ROS1: variants seen among roughly 807,000 people sequenced by gnomAD.
The protein encoded by ROS1 is ROS proto-oncogene 1, receptor tyrosine kinase.
Under a neutral mutation model 273.5 loss-of-function variants are expected in ROS1, and 263 were observed. That is an observed-to-expected ratio of 0.96 (90% confidence interval 0.87 to 1.06). ROS1 has a LOEUF of 1.06. Among genes scored for constraint, ROS1 ranks in the 50% least tolerant of loss-of-function variants. ROS1 has a pLI of 0.00. For synonymous variants in ROS1, 1,008 were observed against 954.1 expected, an observed-to-expected ratio of 1.06 and a Z score of -1.04; for missense variants, 2,833 against 2,751.1, an observed-to-expected ratio of 1.03 and a Z score of -0.67.
chr6:117,326,049 A>G (rs1161765738), intron 34 of ROS1, among the ~76,000 whole-genome samples, 175 bp downstream of exon 34: 1 of 147,086 alleles, frequency 6.8e-6, no homozygotes, highest in African/African-American at 2.5e-5. Context: ...TAGAAAGATC[A>G]CATCACATGA....
At chr6:117,403,426 T>C (rs908358292) in intron 6 of ROS1, 149 bp from the exon 7 acceptor site, 1 of 783,436 alleles carries the variant, frequency 1.3e-6, no homozygotes, top group African/African-American at 1.9e-5. Flanking sequence ...CATTCAGATA[T>C]CAGCGTGCAG....
intron 7 of ROS1, among the ~76,000 whole-genome samples, chr6:117,399,784 G>A (rs1196304590): frequency 6.6e-6 from 1 of 152,150 alleles, no homozygotes; most frequent in Non-Finnish European, 1.5e-5. Flanking sequence ...TATATGTTCT[G>A]TTTTTAAAAA....
chr6:117,387,003 T>C lies in ROS1; in HGVS notation c.2000-4A>G, dbSNP rs763936216. 3.8e-6 allele frequency: 6 copies of C among 1,566,506 alleles called. No individual in the cohort carries two copies. Among genetic ancestry groups the C allele is most frequent in the Non-Finnish European group, 5.3e-6 (6 of 1,140,242 alleles). On this transcript the variant is annotated splice_polypyrimidine_tract_variant and splice_region_variant and intron_variant, in intron 14 of 43. Coordinates refer to ENST00000368507, the MANE Select transcript of ROS1 (RefSeq NM_001378902.1). ...ATGATAAATGGTGGTTCACTAGCTG[T>C]TTAGTAAAAAAGAAATTAAAAGAAA... is the stretch of plus-strand genomic sequence containing the variant.
rs770579408 is a variant in ROS1, at chr6:117,425,631, G to A, written c.26C>T (p.Pro9Leu). 7 of 1,611,306 alleles carry A rather than the reference G, an allele frequency of 4.3e-6. No individual in the cohort carries two copies. The highest frequency in any genetic ancestry group is 2.2e-5 in the South Asian group (2 of 90,296). MKNIYCLI[P>L]KLVNFATLGC... ...AAGAGTTGCAAAATTGACAAGCTTC[G>A]GAATAAGACAGTAAATGTTCTTCAT... Residue 9 changes from proline to leucine, a missense_variant, in exon 1 of 44, where the codon CCG becomes CTG. Transcript: ENST00000368507.
chr6:117,362,029 A>G (rs1779842169), intron 22 of ROS1, among the ~76,000 whole-genome samples: 1 of 152,214 alleles, frequency 6.6e-6, no homozygotes, highest in Non-Finnish European at 1.5e-5. Context: ...TGTATGTACA[A>G]CTATAATATA....
chr6:117,318,300 G>T (rs760663212), intron 37 of ROS1, 48 bp from the exon 38 acceptor site: 1 of 1,334,936 alleles, frequency 7.5e-7, no homozygotes, highest in Admixed American at 1.7e-5. Flanking sequence ...AGACATTTCT[G>T]TGAGCTCAGT....
At chr6:117,415,705 AG>A (rs1361533774) in intron 3 of ROS1, among the ~76,000 whole-genome samples, 1 of 152,230 alleles carries the variant, frequency 6.6e-6, no homozygotes, top group Non-Finnish European at 1.5e-5. Flanking sequence ...TCCTACATAA[AG>A]GGGAGTAAAC....
chr6:117,372,789 C>T (rs887587612), intron 18 of ROS1, among the ~76,000 whole-genome samples: 3 of 152,166 alleles, frequency 2.0e-5, no homozygotes, highest in Admixed American at 6.5e-5. Context: ...AAGCAGCAGC[C>T]ACACTTATCA....
chr6:117,296,235 TA>T (rs142073240), intron 43 of ROS1, among the ~76,000 whole-genome samples: 43,110 of 151,504 alleles, frequency 0.28, 6,671 homozygotes, highest in East Asian at 0.41. Flanking sequence ...CAGTCTCTAC[TA>T]AAAAAAATAC....
intron 5 of ROS1, among the ~76,000 whole-genome samples, chr6:117,407,744 C>T (rs923386223): frequency 6.6e-6 from 1 of 152,156 alleles, no homozygotes; most frequent in African/African-American, 2.4e-5. Context: ...CAAAAAAATG[C>T]CCACATTGCC....
intron 40 of ROS1, among the ~76,000 whole-genome samples, chr6:117,310,697 G>C (rs1187550266): frequency 6.6e-6 from 1 of 152,068 alleles, no homozygotes; most frequent in Admixed American, 6.6e-5. Context: ...CTTCATCCAT[G>C]TTCCCTCAAA....
intron 1 of ROS1, among the ~76,000 whole-genome samples, chr6:117,424,722 A>T (rs1207518317): frequency 6.6e-6 from 1 of 152,138 alleles, no homozygotes; most frequent in Non-Finnish European, 1.5e-5. Context: ...GTTTCTTTTT[A>T]ATCTGCCACA....
intron 32 of ROS1, among the ~76,000 whole-genome samples, chr6:117,334,270 T>G (rs1777304065): frequency 1.3e-5 from 2 of 152,030 alleles, no homozygotes; most frequent in African/African-American, 2.4e-5. Context: ...ATAAAATACC[T>G]ACGAATACAG....
At chr6:117,322,417 T>C (rs1562270369) in intron 35 of ROS1, among the ~76,000 whole-genome samples, 1 of 152,144 alleles carries the variant, frequency 6.6e-6, no homozygotes, top group African/African-American at 2.4e-5. Context: ...CTATGCACTG[T>C]CTTACTTATT....
In ROS1 at chr6:117,317,153, C is replaced by T. The variant is rs369340872; in HGVS notation, c.6107G>A (p.Arg2036Gln). Residue 2036 changes from arginine to glutamine, a missense_variant, in exon 39 of 44, where the codon CGG (arginine) becomes CAG (glutamine). Coordinates refer to ENST00000368507, the MANE Select transcript of ROS1 (RefSeq NM_001378902.1). ...ATCCCAACTGCCTACCGTTGCCATC[C>T]GGGCTTTACGCAAATAAGTAAGAAG... ...GDLLTYLRKA[R>Q]MATFYGPLLT... 23 of 1,612,518 alleles carry T rather than the reference C, an allele frequency of 1.4e-5. No individual in the cohort carries two copies. Among genetic ancestry groups the T allele is most frequent in the East Asian group, 4.5e-5 (2 of 44,856 alleles).
intron 43 of ROS1, among the ~76,000 whole-genome samples, chr6:117,294,210 G>A (rs1369205928): frequency 6.6e-6 from 1 of 152,052 alleles, no homozygotes; most frequent in Non-Finnish European, 1.5e-5. Flanking sequence ...TGTACTAAAT[G>A]GAGGAAAGTT....
chr6:117,334,624 G>A (rs1777331650), intron 32 of ROS1, among the ~76,000 whole-genome samples: 1 of 152,062 alleles, frequency 6.6e-6, no homozygotes, highest in Admixed American at 6.6e-5. Flanking sequence ...ACACAGCATG[G>A]TACTGGTACC....
In ROS1 at chr6:117,341,229, G is replaced by A. The variant is rs769404232; in HGVS notation, c.4967C>T (p.Pro1656Leu). The change falls in exon 31 of 44, where the codon CCT becomes CTT. Residue 1656 changes from proline (P) to leucine (L), a missense_variant. By Grantham distance (98) the Pro-to-Leu change is moderately conservative (BLOSUM62 -3). Transcript: ENST00000368507. ...TVEMFNTPEK[P>L]YSLVPENTSL... ...AGTGTTCTCTGGAACCAAGGAATAA[G>A]GTTTCTCTGGTGTGTTAAACATTTC... 7 of 1,613,214 alleles carry A rather than the reference G, an allele frequency of 4.3e-6. No individual in the cohort carries two copies. The East Asian group carries it at 8.9e-5, about 21-fold the overall frequency.
chr6:117,409,944 G>C (rs9372479), intron 4 of ROS1, among the ~76,000 whole-genome samples: 9,020 of 152,194 alleles, frequency 0.059, 322 homozygotes, highest in Middle Eastern at 0.092. Flanking sequence ...AAAGATTCCT[G>C]AAATGATCCT....
Sources: allele counts gnomAD v4.1 joint callset (sites outside exome capture counted in the v4.1 genomes callset), GRCh38; gene constraint gnomAD v4.1.1; transcripts MANE v1.5; gene names NCBI Gene and HGNC (gene_info 2026-07-23, HGNC 2026-07-21).